The following CDH13 variants were observed in gnomAD, a reference collection of about 807,000 sequenced individuals.
The protein encoded by CDH13 is cadherin-13.
A neutral mutation model predicts 63.8 loss-of-function variants in CDH13; 24 were observed. That is an observed-to-expected ratio of 0.38 (90% CI 0.27 to 0.53). CDH13 has a LOEUF of 0.53. CDH13 is among the 20% of genes least tolerant of loss of function. CDH13 has a pLI of 0.85. For synonymous variants in CDH13, 503 were observed against 355.3 expected (o/e 1.42, Z -4.67); for missense variants, 1,049 against 903.1 (o/e 1.16, Z -2.07).
At chr16:83,773,553 G>A (rs1306995730) in intron 11 of CDH13, among the ~76,000 whole-genome samples, 4 of 152,210 alleles carry the variant, frequency 2.6e-5, no homozygotes, top group Non-Finnish European at 5.9e-5. Context: ...CAGCATGGGG[G>A]AAACCACCCC....
intron 6 of CDH13, chr16:83,383,239 G>T: frequency 6.6e-6 from 1 of 152,292 alleles, no homozygotes; most frequent in Middle Eastern, 3.4e-3. Context: ...CATGTTATCA[G>T]TGTTCCACCT....
intron 5 of CDH13, among the ~76,000 whole-genome samples, chr16:83,270,995 C>T (rs2088789337): frequency 6.7e-6 from 1 of 150,028 alleles, no homozygotes; most frequent in South Asian, 2.2e-4. Context: ...TTCTCCCTCT[C>T]TCATTCCCTT....
intron 3 of CDH13, among the ~76,000 whole-genome samples, chr16:83,081,188 G>A (rs2033228660): frequency 6.6e-6 from 1 of 152,076 alleles, no homozygotes; most frequent in Non-Finnish European, 1.5e-5. Context: ...GCAAGATAGA[G>A]TCTTTTAACT....
chr16:83,094,997 A>AGCAGT (rs2034124181), intron 3 of CDH13, among the ~76,000 whole-genome samples: 1 of 152,198 alleles, frequency 6.6e-6, no homozygotes, highest in African/African-American at 2.4e-5. Context: ...TAATCATCAG[A>AGCAGT]GCAGTATCTG....
intron 2 of CDH13, among the ~76,000 whole-genome samples, chr16:82,978,295 C>G (rs1009432446): frequency 2.0e-5 from 3 of 152,188 alleles, no homozygotes; most frequent in African/African-American, 7.2e-5. Flanking sequence ...AAAGAAAAAC[C>G]TATTTTATGG....
At chr16:83,600,357 TGGAG>T (rs946174980) in intron 7 of CDH13, among the ~76,000 whole-genome samples, 3 of 152,102 alleles carry the variant, frequency 2.0e-5, no homozygotes, top group African/African-American at 7.2e-5. Flanking sequence ...TGAATTGAAG[TGGAG>T]GGCCTTAACA....
chr16:83,800,446 A>G lies in CDH13; in HGVS notation c.*5416A>G, dbSNP rs566350571. ...AATTTTAAATGCTTTTTATTCACAC[A>G]CACTTTTCAAAAGGGATAAAAGTTA... is the stretch of plus-strand genomic sequence containing the variant. On this transcript the variant is annotated 3_prime_UTR_variant, in exon 14 of 14. Coordinates refer to ENST00000567109, the MANE Select transcript of CDH13 (RefSeq NM_001257.5). 3 of 152,310 alleles carry G rather than the reference A, an allele frequency of 2.0e-5. No homozygotes were observed. The highest frequency in any genetic ancestry group is 7.2e-5 in the African/African-American group (3 of 41,558). 9.4% of individuals were successfully genotyped at this position (152,310 alleles called of 1,614,324 possible). A position where few individuals can be genotyped will look rare whatever the true frequency, so the allele number is the denominator to read the frequency against.
chr16:83,034,190 G>A (rs528448927), intron 3 of CDH13, among the ~76,000 whole-genome samples: 5 of 152,208 alleles, frequency 3.3e-5, no homozygotes, highest in Non-Finnish European at 5.9e-5. Context: ...GGCAGATATT[G>A]CTAATAACCC....
chr16:83,167,225 A>C (rs1386871837), intron 4 of CDH13, among the ~76,000 whole-genome samples: 1 of 151,196 alleles, frequency 6.6e-6, no homozygotes, highest in Non-Finnish European at 1.5e-5. Context: ...GGCCGGGCAC[A>C]GTGGCTCACG....
intron 2 of CDH13, among the ~76,000 whole-genome samples, chr16:82,929,959 C>CT (rs1048259865): frequency 2.0e-5 from 3 of 151,642 alleles, no homozygotes; most frequent in African/African-American, 7.3e-5. Flanking sequence ...GACTGGCCAC[C>CT]GGAAGCCCCA....
chr16:83,199,989 G>A (rs1473244587), intron 4 of CDH13, among the ~76,000 whole-genome samples: 2 of 152,190 alleles, frequency 1.3e-5, no homozygotes, highest in East Asian at 3.9e-4. Context: ...CACAGGGAAT[G>A]AAGACGAATC....
chr16:83,116,986 G>A (rs79996722), intron 3 of CDH13, among the ~76,000 whole-genome samples: 8,204 of 152,218 alleles, frequency 0.054, 332 homozygotes, highest in African/African-American at 0.11. Flanking sequence ...CCTAGAGGAC[G>A]GGCAAATCAT....
intron 8 of CDH13, among the ~76,000 whole-genome samples, chr16:83,658,525 C>T: frequency 6.8e-6 from 1 of 146,684 alleles, no homozygotes. Flanking sequence ...ACCACCAGGT[C>T]CCGTATCCTC....
At chr16:83,089,177 C>T (rs1313824740) in intron 3 of CDH13, among the ~76,000 whole-genome samples, 1 of 152,190 alleles carries the variant, frequency 6.6e-6, no homozygotes, top group African/African-American at 2.4e-5. Context: ...CTCCATTTTA[C>T]AGATGTAGAG....
chr16:82,740,356 A>T (rs1314269863), intron 1 of CDH13, among the ~76,000 whole-genome samples: 1 of 152,148 alleles, frequency 6.6e-6, no homozygotes, highest in Non-Finnish European at 1.5e-5. Flanking sequence ...ATCATCACAA[A>T]CTTCAAATTG....
At chr16:83,256,464 A>G (rs1472075933) in intron 5 of CDH13, among the ~76,000 whole-genome samples, 1 of 152,060 alleles carries the variant, frequency 6.6e-6, no homozygotes, top group African/African-American at 2.4e-5. Context: ...AGCATTAGAG[A>G]TAGACTTTCA....
At chr16:82,971,833 G>A (rs1026954475) in intron 2 of CDH13, among the ~76,000 whole-genome samples, 2 of 152,134 alleles carry the variant, frequency 1.3e-5, no homozygotes, top group African/African-American at 2.4e-5. Context: ...TCCTATTTGA[G>A]GGGGGAAGTA....
chr16:83,650,243 A>G (rs1015257513), intron 8 of CDH13, among the ~76,000 whole-genome samples: 1 of 152,252 alleles, frequency 6.6e-6, no homozygotes, highest in African/African-American at 2.4e-5. Flanking sequence ...TTCTTCTTTT[A>G]TAAAAGGGAT....
chr16:83,003,994 A>G (rs1257260687), intron 2 of CDH13, among the ~76,000 whole-genome samples: 2 of 152,246 alleles, frequency 1.3e-5, no homozygotes, highest in Admixed American at 1.3e-4. Context: ...AGGTAGGAGA[A>G]TCAAGACAAT....
Sources: gnomAD v4.1 joint callset for allele counts (sites outside exome capture counted in the v4.1 genomes callset) on GRCh38, gnomAD v4.1.1 for gene constraint, MANE v1.5 for transcripts, NCBI Gene and HGNC (gene_info 2026-07-23, HGNC 2026-07-21) for gene names.